TRMO: variants seen among roughly 807,000 people sequenced by gnomAD.
The protein encoded by TRMO is tRNA (adenine(37)-N6)-methyltransferase.
Under a neutral mutation model 37.2 loss-of-function variants are expected in TRMO, and 30 were observed. The ratio of observed to expected loss-of-function variants is 0.81; its 90% CI spans 0.60 to 1.09. The LOEUF (loss-of-function observed/expected upper bound fraction) is 1.09. Among genes scored for constraint, TRMO ranks in the 50% least tolerant of loss-of-function variants. The pLI, the probability that TRMO is intolerant of heterozygous loss-of-function variation, is 0.00. For synonymous variants in TRMO, 239 were observed against 199.4 expected (o/e 1.20, Z -1.67); for missense variants, 552 against 549.5 (o/e 1.00, Z -0.05).
chr9:97,896,944 AGAG>A, the TRMO span, among the ~76,000 whole-genome samples: 2 of 152,252 alleles, frequency 1.3e-5, no homozygotes, highest in Non-Finnish European at 2.9e-5. Context: ...AAGGTACTGA[AGAG>A]AATAAAGCAA....
chr9:97,913,735 G>A (rs1392488075), intron 2 of TRMO, among the ~76,000 whole-genome samples, 177 bp from the exon 3 acceptor site: 1 of 152,152 alleles, frequency 6.6e-6, no homozygotes, highest in Non-Finnish European at 1.5e-5. Flanking sequence ...TTTCCTTAAA[G>A]GAAGAGACAG....
intron 1 of TRMO, among the ~76,000 whole-genome samples, chr9:97,920,373 G>A (rs1164286586): frequency 6.6e-6 from 1 of 152,194 alleles, no homozygotes. Flanking sequence ...AGAGAATTAG[G>A]ACTGGTTTCA....
chr9:97,917,648 G>A (rs1050910974), intron 1 of TRMO, among the ~76,000 whole-genome samples: 3 of 152,030 alleles, frequency 2.0e-5, no homozygotes, highest in Admixed American at 1.3e-4. Flanking sequence ...TATCTGGAAG[G>A]ATATGCACCA....
chr9:97,903,954 C>T (rs1383682310), downstream of TRMO, among the ~76,000 whole-genome samples: 1 of 152,042 alleles, frequency 6.6e-6, no homozygotes, highest in Non-Finnish European at 1.5e-5. Flanking sequence ...TGGTGGCGCA[C>T]GCCTGTAATC....
At chr9:97,898,399 T>C in the TRMO span, among the ~76,000 whole-genome samples, 1 of 152,134 alleles carries the variant, frequency 6.6e-6, no homozygotes, top group Non-Finnish European at 1.5e-5. Flanking sequence ...TGCCATGATC[T>C]CGGCTCACTG....
At chr9:97,920,497 C>T (rs1564114844) in intron 1 of TRMO, among the ~76,000 whole-genome samples, 1 of 152,212 alleles carries the variant, frequency 6.6e-6, no homozygotes, top group Admixed American at 6.5e-5. Flanking sequence ...AGGGATACTA[C>T]CTACTTTGGA....
At chr9:97,922,248 C>G (rs947347872) in intron 1 of TRMO, among the ~76,000 whole-genome samples, 170 bp downstream of exon 1, 4 of 152,226 alleles carry the variant, frequency 2.6e-5, no homozygotes, top group African/African-American at 9.6e-5. Context: ...ATCCCGCTCG[C>G]CAAAGCACAT....
chr9:97,917,380 T>A (rs1826418649), intron 1 of TRMO, among the ~76,000 whole-genome samples: 1 of 152,222 alleles, frequency 6.6e-6, no homozygotes, highest in Non-Finnish European at 1.5e-5. Context: ...AGTAGCCTAC[T>A]GCCCCTCTAG....
chr9:97,908,201 A>G (rs1018505398), intron 4 of TRMO, among the ~76,000 whole-genome samples: 19 of 152,170 alleles, frequency 1.2e-4, no homozygotes, highest in African/African-American at 4.6e-4. Flanking sequence ...TCACAAGGTC[A>G]GGAGATCGAG....
intron 1 of TRMO, among the ~76,000 whole-genome samples, chr9:97,916,708 T>TC (rs1826380693): frequency 6.9e-6 from 1 of 145,198 alleles, no homozygotes; most frequent in African/African-American, 2.5e-5. Context: ...TTTCTTTCTT[T>TC]TTTTTTTTTT....
Position 97,913,450 on chromosome 9 carries a change from A to G in TRMO, c.360T>C (p.His120=). Residue 120 remains histidine (H), a synonymous_variant, in exon 3 of 5, where the codon CAT becomes CAC. Transcript: ENST00000375119. ...KTGVFSTRSP[H]RPNAIGLTLA... is the part of the protein sequence containing the mutation. ...GGGTCAGTCCTATTGCATTGGGACG[A>G]TGAGGGCTCCTTGTGGAAAAAACTC... 1 of 1,614,018 alleles carries G rather than the reference A, an allele frequency of 6.2e-7. No individual in the cohort carries two copies. The highest frequency in any genetic ancestry group is 8.5e-7 in the Non-Finnish European group (1 of 1,179,912).
chr9:97,916,195 A>G lies in TRMO; in HGVS notation c.220T>C (p.Leu74=), dbSNP rs1354767281. Residue 74 remains leucine (L), a synonymous_variant, in exon 2 of 5, where the codon TTG becomes CTG. Coordinates refer to ENST00000375119, the MANE Select transcript of TRMO (RefSeq NM_016481.5). ...TGAGAAAACTGTTCTAGGCCCATCA[A>G]GGAATGTTCAGGATTATTAAAGATC... is the stretch of plus-strand genomic sequence containing the variant. ...KRIFNNPEHS[L]MGLEQFSHVW... is the part of the protein sequence containing the mutation. 2 of 1,611,896 alleles carry G rather than the reference A, an allele frequency of 1.2e-6. No homozygotes were observed. Among genetic ancestry groups the G allele is most frequent in the Admixed American group, 1.7e-5 (1 of 59,546 alleles).
chr9:97,922,343 C>T, intron 1 of TRMO, 75 bp downstream of exon 1: 2 of 1,005,100 alleles, frequency 2.0e-6, no homozygotes, highest in Non-Finnish European at 1.5e-6. Context: ...GCGTTTTACA[C>T]CCCTCTCGGC....
intron 1 of TRMO, among the ~76,000 whole-genome samples, chr9:97,917,305 G>C (rs542522146): frequency 2.8e-4 from 42 of 152,284 alleles, no homozygotes; most frequent in African/African-American, 9.9e-4. Context: ...GCAATAAAGA[G>C]AGCTTATAAG....
rs968289928 is a variant in TRMO, at chr9:97,914,685, GA to G, written c.252-1128del. Among the ~76,000 whole-genome samples, 60 of 151,308 alleles carry G rather than the reference GA, an allele frequency of 4.0e-4. 1 individual carries two copies. The highest frequency in any genetic ancestry group is 1.2e-3 in the African/African-American group (50 of 41,230). ...TTTGTAATAATAGACAGCTATTAAAGAAAAAAAAGGTAAATCTACTGTCGTG... is the reference window on the plus strand; with the variant it reads ...TTTGTAATAATAGACAGCTATTAAAGAAAAAAAGGTAAATCTACTGTCGTG... On this transcript the variant is annotated intron_variant, in intron 2 of 4. Coordinates refer to ENST00000375119, the MANE Select transcript of TRMO (RefSeq NM_016481.5).
rs1338942250 is a variant in TRMO at position 97,904,728 on chromosome 9, G to C, written c.*5C>G. 1 of 1,613,058 alleles carries C rather than the reference G, an allele frequency of 6.2e-7. No individual in the cohort carries two copies. Among genetic ancestry groups the C allele is most frequent in the East Asian group, 2.2e-5 (1 of 44,874 alleles). On this transcript the variant is annotated 3_prime_UTR_variant, in exon 5 of 5. Coordinates refer to ENST00000375119, the MANE Select transcript of TRMO (RefSeq NM_016481.5). ...ATGCTACCTTAAAGACATGAGGGAG[G>C]CTCCTTAAGACCCTAGAGACACCAA...
downstream of TRMO, chr9:97,900,873 G>T: frequency 4.7e-6 from 1 of 212,154 alleles, no homozygotes; most frequent in Non-Finnish European, 8.1e-6. Flanking sequence ...CAGAAACAAA[G>T]TCAATGCCTT....
At chr9:97,910,899 G>C in intron 3 of TRMO, 1 of 567,310 alleles carries the variant, frequency 1.8e-6, no homozygotes. Context: ...AGTCCCCATA[G>C]AGAAGCCTGT....
At chr9:97,910,698 TCTG>T in intron 3 of TRMO, 82 bp from the exon 4 acceptor site, 1 of 1,483,454 alleles carries the variant, frequency 6.7e-7, no homozygotes, top group African/African-American at 1.4e-5. Context: ...TCTAACACTG[TCTG>T]CTTACGCCTC....
Sources: gnomAD v4.1 joint callset for allele counts (sites outside exome capture counted in the v4.1 genomes callset) on GRCh38, gnomAD v4.1.1 for gene constraint, MANE v1.5 for transcripts, NCBI Gene and HGNC (gene_info 2026-07-23, HGNC 2026-07-21) for gene names.